PADI4: variants seen among roughly 807,000 people sequenced by gnomAD.
PADI4 encodes the protein peptidyl arginine deiminase 4.
In PADI4, 62 loss-of-function variants were observed where a neutral mutation model predicts 75.0. The ratio of observed to expected loss-of-function variants is 0.83; its 90% CI spans 0.67 to 1.02. The LOEUF is 1.02. PADI4 is among the 50% of genes least tolerant of loss of function. The pLI is 0.00. For missense variants in PADI4, 845 were observed against 850.5 expected (o/e 0.99, Z 0.08); for synonymous variants, 361 against 348.1 (o/e 1.04, Z -0.41).
At position 17,351,091 on chromosome 1, in the gene PADI4, G is replaced by C. The variant is rs61763728; in HGVS notation, c.1155+3043G>C. Reference sequence around the variant, plus strand: ...CACATGCCTGTAGTCCCAACTACTAGAGAGGCTGAGGTGGGAGGATCGCTT... The same window carrying C: ...CACATGCCTGTAGTCCCAACTACTACAGAGGCTGAGGTGGGAGGATCGCTT... On this transcript the variant is annotated intron_variant, in intron 10 of 15. Transcript: ENST00000375448. 3.6e-5 allele frequency among the ~76,000 whole-genome samples: 3 copies of C among 83,592 alleles called. 1 individual carries two copies. The highest frequency in any genetic ancestry group is 8.9e-5 in the African/African-American group (3 of 33,896). The allele number at this position is 83,592 out of a possible 152,430, so 54.8% of individuals were successfully genotyped here. A position where few individuals can be genotyped will look rare whatever the true frequency, so the allele number is the denominator to read the frequency against.
chr1:17,351,967 C>T (rs12746706), intron 10 of PADI4, among the ~76,000 whole-genome samples: 3,138 of 47,786 alleles, frequency 0.066, 161 homozygotes, highest in African/African-American at 0.099. Context: ...GGAGAGGCGG[C>T]CAGGGAGGTG....
chr1:17,329,323 C>CAAA (rs10716965), intron 1 of PADI4, among the ~76,000 whole-genome samples: 17 of 109,322 alleles, frequency 1.6e-4, no homozygotes, highest in African/African-American at 5.8e-4. Context: ...GACTCTGTCT[C>CAAA]AAAAAAAAAA....
intron 4 of PADI4, 31 bp downstream of exon 4, chr1:17,336,257 T>C: frequency 6.4e-7 from 1 of 1,552,260 alleles, no homozygotes; most frequent in East Asian, 2.2e-5. Context: ...CCTTTCCTAC[T>C]TCTACTGGAT....
chr1:17,346,963 T>C lies in PADI4; in HGVS notation c.1047+824T>C, dbSNP rs1323259033. ...CATTCCATCTTTTCTTTTCTTTTTTTTTTCACTCTTGTTGCCCAGGCTGGA... is the reference window on the plus strand; with the variant it reads ...CATTCCATCTTTTCTTTTCTTTTTTCTTTCACTCTTGTTGCCCAGGCTGGA... On this transcript the variant is annotated intron_variant, in intron 9 of 15. Coordinates refer to ENST00000375448, the MANE Select transcript of PADI4 (RefSeq NM_012387.3). The surrounding 1 kb of genome is among the most constrained non-coding windows in gnomAD (Gnocchi z 4.3). Among the ~76,000 whole-genome samples the C allele has an allele frequency of 2.6e-5, 4 of 151,964 alleles. No individual in the cohort carries two copies. The highest frequency in any genetic ancestry group is 5.9e-5 in the Non-Finnish European group (4 of 67,962).
At chr1:17,347,503 G>A (rs772209650) in intron 9 of PADI4, among the ~76,000 whole-genome samples, 35 of 152,106 alleles carry the variant, frequency 2.3e-4, no homozygotes, top group African/African-American at 3.4e-4. Flanking sequence ...GGAGGAGGCC[G>A]CGAGCTCTGG....
intron 1 of PADI4, among the ~76,000 whole-genome samples, chr1:17,311,091 C>T (rs999879829): frequency 1.4e-5 from 2 of 146,836 alleles, no homozygotes; most frequent in Admixed American, 6.7e-5. Context: ...AGTGAGTCTC[C>T]GTCTCAAAAA....
chr1:17,331,256 C>A, intron 2 of PADI4, 107 bp downstream of exon 2: 1 of 964,378 alleles, frequency 1.0e-6, no homozygotes, highest in Non-Finnish European at 1.5e-6. Context: ...GAGCCTCTTG[C>A]CCTGTGGAAG....
Position 17,363,815 on chromosome 1 carries a change from T to C in PADI4, c.*60T>C. 1 of 1,233,624 alleles carries C rather than the reference T, an allele frequency of 8.1e-7. No homozygotes were observed. The highest frequency in any genetic ancestry group is 1.2e-6 in the Non-Finnish European group (1 of 846,704). 76.4% of individuals were successfully genotyped at this position (1,233,624 alleles called of 1,614,324 possible). A position where few individuals can be genotyped will look rare whatever the true frequency, so the allele number is the denominator to read the frequency against. On this transcript the variant is annotated 3_prime_UTR_variant, in exon 16 of 16. Transcript: ENST00000375448. ...AGATGTCGCTGGGTCCTCTGCAGTG[T>C]GGCAAGCAAGAGCTCTTGTGAATAT...
intron 14 of PADI4, 141 bp from the exon 15 acceptor site, chr1:17,359,139 G>T: frequency 2.8e-6 from 2 of 709,574 alleles, no homozygotes; most frequent in South Asian, 3.6e-5. Flanking sequence ...GTGCAGTGAG[G>T]CCTGGCAGCC....
rs911921956 is a variant in PADI4, at chr1:17,346,778, C to G, written c.1047+639C>G. On this transcript the variant is annotated intron_variant, in intron 9 of 15. Transcript: ENST00000375448. The surrounding 1 kb of genome is among the most constrained non-coding windows in gnomAD (Gnocchi z 4.3). ...CCATGCCGCACCCCTGCGGTGCTGT[C>G]TCTTGGACCCATCTCCCCATTCCCA... 6.6e-6 allele frequency among the ~76,000 whole-genome samples: 1 copy of G among 152,078 alleles called. No homozygotes were observed. The highest frequency in any genetic ancestry group is 2.4e-5 in the African/African-American group (1 of 41,398).
intron 2 of PADI4, 59 bp from the exon 3 acceptor site, chr1:17,333,884 G>T (rs2074260650): frequency 3.8e-6 from 5 of 1,303,390 alleles, no homozygotes; most frequent in South Asian, 1.2e-5. Context: ...ATAGGAGGGG[G>T]TCCAGTGGGT....
chr1:17,354,403 T>A, intron 10 of PADI4, 130 bp from the exon 11 acceptor site: 1 of 766,600 alleles, frequency 1.3e-6, no homozygotes, highest in Non-Finnish European at 2.3e-6. Context: ...TAACAGCACC[T>A]GCTATGTGCC....
At position 17,333,940 on chromosome 1, in the gene PADI4, T is replaced by C. The variant is rs2074261296; in HGVS notation, c.274-3T>C. 6.2e-7 allele frequency: 1 copy of C among 1,607,368 alleles called. No individual in the cohort carries two copies. The highest frequency in any genetic ancestry group is 1.3e-5 in the African/African-American group (1 of 74,880). On this transcript the variant is annotated splice_polypyrimidine_tract_variant and splice_region_variant and intron_variant, in intron 2 of 15. Coordinates refer to ENST00000375448, the MANE Select transcript of PADI4 (RefSeq NM_012387.3). Reference sequence around the variant, plus strand: ...AAGTCATTAGTGATCTGCTCTCCCATAGGTTCAGATTTCATACTACGGACC... The same window carrying C: ...AAGTCATTAGTGATCTGCTCTCCCACAGGTTCAGATTTCATACTACGGACC...
rs2074885291 is a variant in PADI4, at chr1:17,363,967, A to G, written c.*212A>G. ...CTGCACACTCAGTTCTGCTCTAAGA[A>G]GCTGCAATAAAGTTTTTTTAAGTCA... is the stretch of plus-strand genomic sequence containing the variant. On this transcript the variant is annotated 3_prime_UTR_variant, in exon 16 of 16. Transcript: ENST00000375448. 2 of 456,016 alleles carry G rather than the reference A, an allele frequency of 4.4e-6. No homozygotes were observed. The highest frequency in any genetic ancestry group is 7.0e-5 in the South Asian group (2 of 28,722). 28.2% of individuals were successfully genotyped at this position (456,016 alleles called of 1,614,324 possible). A position where few individuals can be genotyped will look rare whatever the true frequency, so the allele number is the denominator to read the frequency against.
At chr1:17,341,713 T>G (rs549897118) in intron 6 of PADI4, among the ~76,000 whole-genome samples, 1 of 152,178 alleles carries the variant, frequency 6.6e-6, no homozygotes, top group African/African-American at 2.4e-5. Context: ...AAGTTTGGAA[T>G]AGCTCAGGCA....
intron 10 of PADI4, among the ~76,000 whole-genome samples, chr1:17,351,262 C>T (rs1414649673): frequency 6.7e-6 from 1 of 148,874 alleles, no homozygotes; most frequent in Admixed American, 6.7e-5. Flanking sequence ...TGGAGGGGCT[C>T]ATAGGTGCCA....
At chr1:17,315,251 GTGAT>G (rs1296916600) in intron 1 of PADI4, among the ~76,000 whole-genome samples, 4 of 152,304 alleles carry the variant, frequency 2.6e-5, no homozygotes, top group African/African-American at 4.8e-5. Flanking sequence ...TGAGTGTGTG[GTGAT>G]TGATTGATTG....
intron 13 of PADI4, 53 bp from the exon 14 acceptor site, chr1:17,358,785 G>A (rs1351528129): frequency 8.1e-7 from 1 of 1,240,106 alleles, no homozygotes. Context: ...GCTGGGAAGA[G>A]GGAAATCGAC....
At chr1:17,313,498 C>CAAAAAAAAAAAA (rs71014933) in intron 1 of PADI4, among the ~76,000 whole-genome samples, 1 of 68,398 alleles carries the variant, frequency 1.5e-5, no homozygotes, top group Non-Finnish European at 2.5e-5. Flanking sequence ...AAGACCTTGT[C>CAAAAAAAAAAAA]AAAAAAAAAA....
Sources: gnomAD v4.1 joint callset for allele counts (sites outside exome capture counted in the v4.1 genomes callset) on GRCh38, gnomAD v4.1.1 for gene constraint, Gnocchi (gnomAD v3.1) non-coding constraint, MANE v1.5 for transcripts, NCBI Gene and HGNC (gene_info 2026-07-23, HGNC 2026-07-21) for gene names.